ACYP2: variants seen among roughly 807,000 people sequenced by gnomAD.
ACYP2 encodes acylphosphatase 2, also known as acylphosphatase-2.
A neutral mutation model predicts 11.2 loss-of-function variants in ACYP2; 12 were observed. That is an observed-to-expected ratio of 1.08 (90% CI 0.69 to 1.74). The LOEUF (loss-of-function observed/expected upper bound fraction) is 1.74. ACYP2 is among the 40% of genes most tolerant of loss of function. The pLI is 0.00. For missense variants in ACYP2, 134 were observed against 101.9 expected, an observed-to-expected ratio of 1.31 and a Z score of -1.35; for synonymous variants, 43 against 32.2, an observed-to-expected ratio of 1.33 and a Z score of -1.13.
chr2:54,162,138 A>C (rs1202062089), intron 6 of ACYP2, among the ~76,000 whole-genome samples: 1 of 152,202 alleles, frequency 6.6e-6, no homozygotes, highest in Admixed American at 6.5e-5. Context: ...TTTATCTCAC[A>C]GTATTTAACG....
chr2:54,186,576 T>C (rs1459409444), intron 6 of ACYP2, among the ~76,000 whole-genome samples: 1 of 152,130 alleles, frequency 6.6e-6, no homozygotes, highest in African/African-American at 2.4e-5. Flanking sequence ...TACAATGGCG[T>C]GGTCTCAGCT....
Position 54,006,458 on chromosome 2 carries a change from G to T in ACYP2, c.62+32648G>T, listed in dbSNP as rs560421578. On this transcript the variant is annotated intron_variant, in intron 2 of 6. Coordinates refer to ENST00000607452, the MANE Select transcript of ACYP2 (RefSeq NM_001320586.2). ...CACCGCGCCCGGCCTCTAGTTTTTT[G>T]ATTTTTTGTAGAGATGGTGTCTTGC... 3.3e-5 allele frequency among the ~76,000 whole-genome samples: 5 copies of T among 151,938 alleles called. No individual in the cohort carries two copies. The South Asian group carries it at 6.2e-4, about 19-fold the overall frequency.
intron 6 of ACYP2, among the ~76,000 whole-genome samples, chr2:54,294,864 C>A (rs532650910): frequency 6.6e-6 from 1 of 151,644 alleles, no homozygotes; most frequent in East Asian, 1.9e-4. Flanking sequence ...CACAGTGAGT[C>A]ATGATCACAC....
Position 54,304,864 on chromosome 2 carries a change from A to T in ACYP2, c.*62A>T. On this transcript the variant is annotated 3_prime_UTR_variant, in exon 7 of 7. Transcript: ENST00000607452. ...ACTGTATGTTCTTAAGACTATGTAT[A>T]CTAGAATAATAGTAGCAGAGTAGGG... 1 of 928,908 alleles carries T rather than the reference A, an allele frequency of 1.1e-6. No individual in the cohort carries two copies. Among genetic ancestry groups the T allele is most frequent in the Non-Finnish European group, 1.6e-6 (1 of 613,380 alleles). The allele number at this position is 928,908 out of a possible 1,614,324, so 57.5% of individuals were successfully genotyped here. A position where few individuals can be genotyped will look rare whatever the true frequency, so the allele number is the denominator to read the frequency against.
chr2:53,974,116 A>G (rs898449859), intron 2 of ACYP2, among the ~76,000 whole-genome samples: 2 of 151,156 alleles, frequency 1.3e-5, no homozygotes, highest in South Asian at 2.1e-4. Flanking sequence ...GGCTTTCACC[A>G]TATTGGCCAG....
At chr2:54,180,666 C>T (rs1169920376) in intron 6 of ACYP2, among the ~76,000 whole-genome samples, 1 of 152,068 alleles carries the variant, frequency 6.6e-6, no homozygotes, top group Non-Finnish European at 1.5e-5. Flanking sequence ...ACAATCCTCC[C>T]ACCTCAGCCT....
rs1254034830 is a variant in ACYP2, at chr2:54,201,650, C to CTTTGTTTCTT, written c.404+62905_404+62906insGTTTCTTTTT. Among the ~76,000 whole-genome samples, 148 of 86,962 alleles carry CTTTGTTTCTT rather than the reference C, an allele frequency of 1.7e-3. 1 individual carries two copies. The highest frequency in any genetic ancestry group is 5.0e-3 in the Middle Eastern group (1 of 202). 57.1% of individuals were successfully genotyped at this position (86,962 alleles called of 152,430 possible). A position where few individuals can be genotyped will look rare whatever the true frequency, so the allele number is the denominator to read the frequency against. On this transcript the variant is annotated intron_variant, in intron 6 of 6. Transcript: ENST00000607452. ...TTTCTTTCTTTCTCTTTCTTTCTTT[C>CTTTGTTTCTT]TTTCTTTCTTTCTTTCTTTCTTTCT...
chr2:54,010,737 C>CTTTTTTT lies in ACYP2; in HGVS notation c.62+36949_62+36955dup, dbSNP rs539896151. Among the ~76,000 whole-genome samples the CTTTTTTT allele has an allele frequency of 2.8e-4, 30 of 107,642 alleles. 1 individual carries two copies. Among genetic ancestry groups the CTTTTTTT allele is most frequent in the Middle Eastern group, 5.6e-3 (1 of 178 alleles). The allele number at this position is 107,642 out of a possible 152,430, so 70.6% of individuals were successfully genotyped here. On this transcript the variant is annotated intron_variant, in intron 2 of 6. Transcript: ENST00000607452. ...CTTCGGTTTCTCTTTTTCTTTCTTTCTTTTTTTTTTTTTTTTTTTTTTTTT... is the reference window on the plus strand; with the variant it reads ...CTTCGGTTTCTCTTTTTCTTTCTTTCTTTTTTTTTTTTTTTTTTTTTTTTTTTTTTTT...
At chr2:54,220,639 G>C (rs377428534) in intron 6 of ACYP2, among the ~76,000 whole-genome samples, 18 of 152,080 alleles carry the variant, frequency 1.2e-4, no homozygotes, top group African/African-American at 3.4e-4. Context: ...TTTGAGTAGA[G>C]AAACAGTCTG....
intron 6 of ACYP2, among the ~76,000 whole-genome samples, chr2:54,171,491 T>G (rs1474607094): frequency 6.6e-6 from 1 of 152,198 alleles, no homozygotes; most frequent in African/African-American, 2.4e-5. Context: ...GGACACTATC[T>G]TGTGTCGTTT....
In ACYP2 at chr2:54,304,838, T is replaced by C. The variant is rs754124343; in HGVS notation, c.*36T>C. On this transcript the variant is annotated 3_prime_UTR_variant, in exon 7 of 7. Transcript: ENST00000607452. Reference sequence around the variant, plus strand: ...AAATTGTAACACACTGAACAATAGATACTGTATGTTCTTAAGACTATGTAT... The same window carrying C: ...AAATTGTAACACACTGAACAATAGACACTGTATGTTCTTAAGACTATGTAT... 4 of 1,219,272 alleles carry C rather than the reference T, an allele frequency of 3.3e-6. No homozygotes were observed. The Admixed American group carries it at 5.3e-5, about 16-fold the overall frequency. The allele number at this position is 1,219,272 out of a possible 1,614,324, so 75.5% of individuals were successfully genotyped here.
At chr2:54,074,190 T>G (rs1345329131) in intron 4 of ACYP2, among the ~76,000 whole-genome samples, 1 of 152,138 alleles carries the variant, frequency 6.6e-6, no homozygotes, top group African/African-American at 2.4e-5. Flanking sequence ...AAAATATTTT[T>G]CAAAATTAGC....
chr2:54,103,713 T>C (rs1679017981), intron 4 of ACYP2, among the ~76,000 whole-genome samples: 1 of 152,240 alleles, frequency 6.6e-6, no homozygotes, highest in Non-Finnish European at 1.5e-5. Context: ...ATTTATTTAT[T>C]TGAAAATATA....
chr2:54,245,656 G>A (rs976117241), intron 6 of ACYP2, among the ~76,000 whole-genome samples: 52 of 150,758 alleles, frequency 3.4e-4, no homozygotes, highest in African/African-American at 1.2e-3. Context: ...TTGGATAAAT[G>A]TATGTCTCTT....
At chr2:54,208,447 G>C (rs1322291542) in intron 6 of ACYP2, among the ~76,000 whole-genome samples, 2 of 152,062 alleles carry the variant, frequency 1.3e-5, no homozygotes, top group Non-Finnish European at 2.9e-5. Flanking sequence ...GGGGGTGCAG[G>C]GGGTGGGATG....
intron 6 of ACYP2, among the ~76,000 whole-genome samples, chr2:54,163,628 G>T (rs544806284): frequency 6.6e-6 from 1 of 152,246 alleles, no homozygotes; most frequent in Non-Finnish European, 1.5e-5. Context: ...GCCTAGGGGG[G>T]TGGCTCACCC....
At chr2:54,102,192 A>T (rs1032476767) in intron 4 of ACYP2, among the ~76,000 whole-genome samples, 2 of 152,226 alleles carry the variant, frequency 1.3e-5, no homozygotes, top group Non-Finnish European at 2.9e-5. Context: ...CTGTTTCAGC[A>T]TATCATCAAT....
At position 54,041,978 on chromosome 2, in the gene ACYP2, G is replaced by A. The variant is rs190603740; in HGVS notation, c.63-8980G>A. Among the ~76,000 whole-genome samples the A allele has an allele frequency of 1.5e-4, 22 of 150,670 alleles. No homozygotes were observed. In the East Asian group the frequency reaches 1.8e-3, roughly 12 times the overall value. Reference sequence around the variant, plus strand: ...GTTCTGGAATTCATTTTCTGTCTCCGGTCCATTGCTTCAAACTCACTTTAT... The same window carrying A: ...GTTCTGGAATTCATTTTCTGTCTCCAGTCCATTGCTTCAAACTCACTTTAT... On this transcript the variant is annotated intron_variant, in intron 2 of 6. Coordinates refer to ENST00000607452, the MANE Select transcript of ACYP2 (RefSeq NM_001320586.2).
At chr2:54,242,640 C>T (rs1255956788) in intron 6 of ACYP2, among the ~76,000 whole-genome samples, 1 of 152,136 alleles carries the variant, frequency 6.6e-6, no homozygotes, top group Non-Finnish European at 1.5e-5. Flanking sequence ...TGTTTAGATA[C>T]ACAAATGTCA....
Sources: allele counts gnomAD v4.1 joint callset (sites outside exome capture counted in the v4.1 genomes callset), GRCh38; gene constraint gnomAD v4.1.1; transcripts MANE v1.5; gene names NCBI Gene and HGNC (gene_info 2026-07-23, HGNC 2026-07-21).